QTGAL: variants seen among roughly 807,000 people sequenced by gnomAD.
QTGAL encodes the protein BGnT-like protein 1.
At chr17:83,009,893 C>A in the QTGAL span, among the ~76,000 whole-genome samples, 1 of 151,466 alleles carries the variant, frequency 6.6e-6, no homozygotes. Context: ...ACATCAGCTC[C>A]CTGGGGCCAC....
the QTGAL span, among the ~76,000 whole-genome samples, chr17:83,012,959 T>A: frequency 6.6e-6 from 1 of 151,918 alleles, no homozygotes; most frequent in South Asian, 2.1e-4. Flanking sequence ...CGGACGTCTC[T>A]CCCAGGCAGT....
At chr17:82,992,864 T>A in the QTGAL span, among the ~76,000 whole-genome samples, 1 of 152,196 alleles carries the variant, frequency 6.6e-6, no homozygotes, top group Admixed American at 6.5e-5. Flanking sequence ...TGCTTGCATG[T>A]TTGTTTATGC....
the QTGAL span, among the ~76,000 whole-genome samples, chr17:82,959,653 A>C: frequency 6.6e-6 from 1 of 151,770 alleles, no homozygotes; most frequent in Non-Finnish European, 1.5e-5. Context: ...TAGGGACCCC[A>C]GGGGGTTCAC....
At chr17:82,971,146 G>A in the QTGAL span, among the ~76,000 whole-genome samples, 75 of 152,282 alleles carry the variant, frequency 4.9e-4, no homozygotes, top group Non-Finnish European at 9.0e-4. Flanking sequence ...AACGTTTCAC[G>A]GGGACAAACC....
At chr17:83,041,075 A>AT in the QTGAL span, among the ~76,000 whole-genome samples, 3 of 151,296 alleles carry the variant, frequency 2.0e-5, no homozygotes, top group East Asian at 1.9e-4. Flanking sequence ...CAAAAAAAAA[A>AT]AAAAAAAATG....
chr17:83,017,808 G>A, the QTGAL span, among the ~76,000 whole-genome samples: 140 of 152,030 alleles, frequency 9.2e-4, no homozygotes, highest in African/African-American at 2.6e-3. Flanking sequence ...CATGAACACC[G>A]TGCGCCTGTA....
chr17:83,002,508 G>A, the QTGAL span, among the ~76,000 whole-genome samples: 2 of 152,184 alleles, frequency 1.3e-5, no homozygotes, highest in South Asian at 4.1e-4. Context: ...ACCAGGACAC[G>A]CGCCCTCGGC....
At chr17:83,037,865 T>C in the QTGAL span, among the ~76,000 whole-genome samples, 3 of 152,222 alleles carry the variant, frequency 2.0e-5, no homozygotes, top group Admixed American at 6.5e-5. The surrounding 1 kb of genome is among the most constrained non-coding windows in gnomAD (Gnocchi z 5.2). Flanking sequence ...TTTAATATTA[T>C]TGCCTTGAAG....
chr17:83,028,840 G>T, the QTGAL span, among the ~76,000 whole-genome samples: 1 of 152,012 alleles, frequency 6.6e-6, no homozygotes, highest in Non-Finnish European at 1.5e-5. Flanking sequence ...CTAGTAACCC[G>T]AACTGGAAAC....
At chr17:83,014,846 A>T in the QTGAL span, among the ~76,000 whole-genome samples, 1 of 152,290 alleles carries the variant, frequency 6.6e-6, no homozygotes, top group Non-Finnish European at 1.5e-5. Flanking sequence ...TTTCCAGTGG[A>T]CCAACAACCT....
chr17:83,008,169 A>G, the QTGAL span, among the ~76,000 whole-genome samples: 1 of 151,040 alleles, frequency 6.6e-6, no homozygotes, highest in East Asian at 1.9e-4. Flanking sequence ...CACCGCACCT[A>G]GCACAGGGCC....
the QTGAL span, among the ~76,000 whole-genome samples, chr17:82,951,890 G>A: frequency 3.9e-5 from 6 of 152,018 alleles, no homozygotes; most frequent in Admixed American, 6.5e-5. Context: ...TGGGCGCCCC[G>A]AGATAGTAGT....
At chr17:82,972,479 T>C in the QTGAL span, among the ~76,000 whole-genome samples, 202 of 77,680 alleles carry the variant, frequency 2.6e-3, 1 homozygote, top group East Asian at 0.026. Flanking sequence ...CCACAGGGGC[T>C]AGAAGGACCT....
At chr17:83,044,158 G>A in the QTGAL span, among the ~76,000 whole-genome samples, 5 of 152,232 alleles carry the variant, frequency 3.3e-5, no homozygotes, top group East Asian at 1.9e-4. Context: ...CTCTGATACC[G>A]AAGCCACACA....
chr17:82,959,459 G>A, the QTGAL span, among the ~76,000 whole-genome samples: 2 of 85,398 alleles, frequency 2.3e-5, no homozygotes, highest in South Asian at 7.6e-4. Context: ...CTGTGTGCAC[G>A]TGCAGTGTGT....
chr17:83,007,902 C>A, the QTGAL span, among the ~76,000 whole-genome samples: 1 of 152,140 alleles, frequency 6.6e-6, no homozygotes, highest in Non-Finnish European at 1.5e-5. Flanking sequence ...CATTTTTTAA[C>A]CTTGGAAGAA....
chr17:82,966,037 G>A, the QTGAL span, among the ~76,000 whole-genome samples: 7 of 151,314 alleles, frequency 4.6e-5, no homozygotes, highest in African/African-American at 4.9e-5. Flanking sequence ...AGCCTCCCAG[G>A]TAGCTGGGAC....
chr17:83,036,778 G>T, the QTGAL span, among the ~76,000 whole-genome samples: 1 of 152,246 alleles, frequency 6.6e-6, no homozygotes, highest in Admixed American at 6.5e-5. Flanking sequence ...ATTATCTGGG[G>T]CAGCCTATGT....
the QTGAL span, chr17:82,947,885 G>C: frequency 1.3e-5 from 2 of 152,278 alleles, no homozygotes; most frequent in East Asian, 3.8e-4. Context: ...CTCTGCTCTA[G>C]AGTTTGCAAA....
Sources: allele counts gnomAD v4.1 joint callset (sites outside exome capture counted in the v4.1 genomes callset), GRCh38; gene constraint gnomAD v4.1.1; non-coding constraint Gnocchi (gnomAD v3.1); transcripts MANE v1.5; gene names NCBI Gene and HGNC (gene_info 2026-07-23, HGNC 2026-07-21).